Variants in ZRANB3 observed in about 807,000 individuals in gnomAD.
ZRANB3 encodes zinc finger RANBP2-type containing 3.
ZRANB3 carries 125 observed loss-of-function variants against 133.8 expected under a neutral mutation model. The ratio of observed to expected loss-of-function variants is 0.93; its 90% CI spans 0.81 to 1.08. ZRANB3 has a LOEUF of 1.08. Ranked by LOEUF, ZRANB3 falls within the 50% of genes least tolerant of loss-of-function variation. The pLI is 0.00. For missense variants in ZRANB3, 1,229 were observed against 1,275.5 expected, an observed-to-expected ratio of 0.96 and a Z score of 0.56; for synonymous variants, 387 against 432.7, an observed-to-expected ratio of 0.89 and a Z score of 1.31.
At chr2:135,511,081 G>A (rs1379459907) in intron 1 of ZRANB3, 1 of 770,410 alleles carries the variant, frequency 1.3e-6, no homozygotes, top group Non-Finnish European at 2.4e-6. Flanking sequence ...TGAGATTCAG[G>A]CTTAGACTCT....
chr2:135,412,072 T>C (rs992445759), intron 2 of ZRANB3, among the ~76,000 whole-genome samples: 2 of 152,152 alleles, frequency 1.3e-5, no homozygotes, highest in East Asian at 3.8e-4. Context: ...GTTTTGTGAA[T>C]GACTAAATAA....
At chr2:135,512,928 A>T (rs1041013222) in intron 1 of ZRANB3, among the ~76,000 whole-genome samples, 4 of 152,208 alleles carry the variant, frequency 2.6e-5, no homozygotes, top group Non-Finnish European at 2.9e-5. Flanking sequence ...AAATTGTAAC[A>T]GGATAAAGAT....
At chr2:135,325,033 C>T (rs946781325) in intron 6 of ZRANB3, among the ~76,000 whole-genome samples, 6 of 152,102 alleles carry the variant, frequency 3.9e-5, no homozygotes, top group African/African-American at 1.4e-4. Context: ...CATTACTGTT[C>T]ATGAATTTGA....
chr2:135,500,360 A>G (rs1174087182), intron 2 of ZRANB3, among the ~76,000 whole-genome samples: 1 of 152,162 alleles, frequency 6.6e-6, no homozygotes, highest in Non-Finnish European at 1.5e-5. Flanking sequence ...TATGAGCCCC[A>G]AACTAGAAAT....
intron 3 of ZRANB3, among the ~76,000 whole-genome samples, chr2:135,379,798 G>A (rs566814622): frequency 3.3e-5 from 5 of 152,156 alleles, no homozygotes; most frequent in Admixed American, 2.6e-4. Flanking sequence ...AGGATCAAAT[G>A]CACACATAAC....
intron 2 of ZRANB3, among the ~76,000 whole-genome samples, chr2:135,494,194 C>T (rs1233930235): frequency 2.9e-5 from 4 of 136,182 alleles, no homozygotes; most frequent in Non-Finnish European, 4.7e-5. Flanking sequence ...AGGGAGGGCG[C>T]GGTGGCTCAC....
intron 8 of ZRANB3, among the ~76,000 whole-genome samples, chr2:135,296,010 A>C (rs1276695279): frequency 6.6e-6 from 1 of 151,822 alleles, no homozygotes; most frequent in Admixed American, 6.6e-5. Flanking sequence ...TGCCCTTAAC[A>C]TTTTTTCCTT....
intron 2 of ZRANB3, among the ~76,000 whole-genome samples, chr2:135,431,100 C>A (rs1383057821): frequency 1.3e-5 from 2 of 150,136 alleles, no homozygotes; most frequent in Non-Finnish European, 3.0e-5. Context: ...TGATGTGAGA[C>A]TCTATCCCTA....
chr2:135,306,308 G>A (rs1415803755), intron 8 of ZRANB3, among the ~76,000 whole-genome samples: 6 of 141,634 alleles, frequency 4.2e-5, no homozygotes, highest in Non-Finnish European at 6.1e-5. Context: ...TTTTTTCTGA[G>A]GTGGAGTCTC....
At chr2:135,390,380 T>C (rs889517390) in intron 3 of ZRANB3, among the ~76,000 whole-genome samples, 1 of 152,158 alleles carries the variant, frequency 6.6e-6, no homozygotes, top group African/African-American at 2.4e-5. Context: ...ATCTATCAGA[T>C]TGTTGAGTGA....
At chr2:135,259,575 C>T (rs76668564) in intron 12 of ZRANB3, among the ~76,000 whole-genome samples, 8 of 152,220 alleles carry the variant, frequency 5.3e-5, no homozygotes, top group East Asian at 1.9e-4. Flanking sequence ...TGTGCCACCA[C>T]GCCCGGCTAA....
chr2:135,295,900 T>C (rs1333689937), intron 8 of ZRANB3, among the ~76,000 whole-genome samples: 2 of 152,252 alleles, frequency 1.3e-5, no homozygotes, highest in African/African-American at 4.8e-5. Context: ...ATGTTGAATA[T>C]TGGCCCCCAC....
At position 135,403,835 on chromosome 2, in the gene ZRANB3, C is replaced by A. The variant is rs879385689; in HGVS notation, c.162-13015G>T. ...GCAGCCTCCGCTGCTGATGCCCAGG[C>A]AAACAGGGCCTGGAGTGGACCTCCA... is the stretch of plus-strand genomic sequence containing the variant. On this transcript the variant is annotated intron_variant, in intron 2 of 20. Transcript: ENST00000264159. Among the ~76,000 whole-genome samples the A allele has an allele frequency of 3.9e-5, 6 of 152,186 alleles. No individual in the cohort carries two copies. In the South Asian group the frequency reaches 6.2e-4, roughly 16 times the overall value.
At chr2:135,286,218 C>A (rs1247137850) in intron 8 of ZRANB3, among the ~76,000 whole-genome samples, 1 of 150,954 alleles carries the variant, frequency 6.6e-6, no homozygotes, top group Non-Finnish European at 1.5e-5. Context: ...TTATCCCTTA[C>A]ACCCCTCTCA....
rs1693480568 is a variant in ZRANB3, at chr2:135,511,946, C to T, written c.-7-7450G>A. 22 of 748,050 alleles carry T rather than the reference C, an allele frequency of 2.9e-5. No homozygotes were observed. In the Admixed American group the frequency reaches 3.8e-4, roughly 13 times the overall value. 46.3% of individuals were successfully genotyped at this position (748,050 alleles called of 1,614,324 possible). ...GGACTAGCCTTCTCCATCACCATTG[C>T]TTTGGTCAATTCAAACTGAGGGGAA... On this transcript the variant is annotated intron_variant, in intron 1 of 20. Coordinates refer to ENST00000264159, the MANE Select transcript of ZRANB3 (RefSeq NM_032143.4).
chr2:135,356,066 C>T (rs1685418421), intron 3 of ZRANB3, among the ~76,000 whole-genome samples: 1 of 151,910 alleles, frequency 6.6e-6, no homozygotes, highest in Non-Finnish European at 1.5e-5. Context: ...TCCCAAAGAC[C>T]GCCACTCCTC....
At chr2:135,281,576 A>C (rs906359945) in intron 8 of ZRANB3, among the ~76,000 whole-genome samples, 3 of 152,162 alleles carry the variant, frequency 2.0e-5, no homozygotes. Context: ...GATATCCCGG[A>C]ATGCAGCAGT....
intron 15 of ZRANB3, among the ~76,000 whole-genome samples, chr2:135,222,418 A>G (rs1176902161): frequency 3.3e-5 from 5 of 151,738 alleles, no homozygotes; most frequent in Admixed American, 2.0e-4. Context: ...AAAAAAAAAG[A>G]AATTTAAAAT....
intron 3 of ZRANB3, among the ~76,000 whole-genome samples, chr2:135,378,545 G>A (rs1183820793): frequency 2.0e-5 from 3 of 151,726 alleles, no homozygotes; most frequent in Admixed American, 6.6e-5. Flanking sequence ...CCTAAAGTAT[G>A]GGCTGTGAAT....
Sources: allele counts gnomAD v4.1 joint callset (sites outside exome capture counted in the v4.1 genomes callset), GRCh38; gene constraint gnomAD v4.1.1; transcripts MANE v1.5; gene names NCBI Gene and HGNC (gene_info 2026-07-23, HGNC 2026-07-21).